Variants in ADAMTS12 observed in about 807,000 individuals in gnomAD.
ADAMTS12 encodes the protein A disintegrin and metalloproteinase with thrombospondin motifs 12.
Under a neutral mutation model 167.8 loss-of-function variants are expected in ADAMTS12, and 118 were observed. That is an observed-to-expected ratio of 0.70 (90% CI 0.61 to 0.82). The LOEUF is 0.82. ADAMTS12 is among the 40% of genes least tolerant of loss of function. The pLI, the probability that ADAMTS12 is intolerant of heterozygous loss-of-function variation, is 0.00. For synonymous variants in ADAMTS12, 704 were observed against 716.9 expected, an observed-to-expected ratio of 0.98 and a Z score of 0.29; for missense variants, 1,916 against 1,998.8, an observed-to-expected ratio of 0.96 and a Z score of 0.79.
chr5:33,724,874 T>G (rs2112341897), intron 3 of ADAMTS12, among the ~76,000 whole-genome samples: 1 of 152,304 alleles, frequency 6.6e-6, no homozygotes, highest in African/African-American at 2.4e-5. Context: ...CAAAATCCAC[T>G]TATTTCAAGA....
intron 3 of ADAMTS12, among the ~76,000 whole-genome samples, chr5:33,718,209 T>C (rs917693251): frequency 2.0e-5 from 3 of 152,226 alleles, no homozygotes; most frequent in Non-Finnish European, 4.4e-5. Flanking sequence ...ATGATTATAT[T>C]AGATTTTGTA....
intron 16 of ADAMTS12, among the ~76,000 whole-genome samples, chr5:33,607,619 A>G (rs1738513540): frequency 6.6e-6 from 1 of 152,122 alleles, no homozygotes; most frequent in African/African-American, 2.4e-5. Context: ...CGTTTTAATG[A>G]TATTGATGAT....
chr5:33,588,554 T>C (rs1191939977), intron 18 of ADAMTS12, 45 bp downstream of exon 18: 3 of 1,599,786 alleles, frequency 1.9e-6, no homozygotes, highest in South Asian at 1.1e-5. Context: ...CAGGGGCTGA[T>C]GAAGCTTGAA....
intron 3 of ADAMTS12, among the ~76,000 whole-genome samples, chr5:33,685,504 C>G (rs1395641047): frequency 6.6e-6 from 1 of 152,168 alleles, no homozygotes; most frequent in Non-Finnish European, 1.5e-5. Flanking sequence ...TGTGTGTAAC[C>G]CTTCCTGGTT....
chr5:33,636,813 GT>G (rs1466478230), intron 12 of ADAMTS12, among the ~76,000 whole-genome samples: 1 of 152,086 alleles, frequency 6.6e-6, no homozygotes, highest in Non-Finnish European at 1.5e-5. Context: ...GTTTTTTGAT[GT>G]TGATGTCTAG....
chr5:33,673,333 TCTC>T (rs904127817), intron 5 of ADAMTS12, among the ~76,000 whole-genome samples: 85 of 152,312 alleles, frequency 5.6e-4, no homozygotes, highest in African/African-American at 1.9e-3. Flanking sequence ...TGAACCTAAA[TCTC>T]CTGATGGTCA....
At chr5:33,706,596 CTCTT>C (rs1353329070) in intron 3 of ADAMTS12, among the ~76,000 whole-genome samples, 4 of 152,164 alleles carry the variant, frequency 2.6e-5, no homozygotes, top group Non-Finnish European at 5.9e-5. Context: ...TGGGTCTTGA[CTCTT>C]TATCCAATTT....
intron 18 of ADAMTS12, among the ~76,000 whole-genome samples, chr5:33,578,069 A>C (rs1746848581): frequency 1.3e-5 from 2 of 152,224 alleles, no homozygotes; most frequent in African/African-American, 4.8e-5. Context: ...ACTTTTACCA[A>C]ATGGTTCCAT....
chr5:33,847,072 G>A (rs1158714012), intron 2 of ADAMTS12, among the ~76,000 whole-genome samples: 1 of 152,192 alleles, frequency 6.6e-6, no homozygotes, highest in Non-Finnish European at 1.5e-5. Flanking sequence ...AAACAACTTC[G>A]TGGGGGTCTG....
chr5:33,817,125 CTGCCA>C (rs1747690003), intron 2 of ADAMTS12, among the ~76,000 whole-genome samples: 1 of 152,132 alleles, frequency 6.6e-6, no homozygotes, highest in African/African-American at 2.4e-5. Flanking sequence ...AGGTTCAATT[CTGCCA>C]TTTTGGAAAG....
In ADAMTS12 at chr5:33,561,194, G is replaced by T; in HGVS notation, c.3973-15C>A. On this transcript the variant is annotated splice_polypyrimidine_tract_variant and intron_variant, in intron 19 of 23. Transcript: ENST00000504830. ...GTGGTGGAGCACTGTAGCAGGGAAG[G>T]AGAGAGATGACAGAGGCTGAGTGTC... 6.3e-7 allele frequency: 1 copy of T among 1,598,080 alleles called. No individual in the cohort carries two copies.
At chr5:33,793,938 G>C (rs1007889273) in intron 2 of ADAMTS12, among the ~76,000 whole-genome samples, 3 of 152,188 alleles carry the variant, frequency 2.0e-5, no homozygotes, top group African/African-American at 7.2e-5. Flanking sequence ...TTCTGGTCAG[G>C]AGGCTTCTCG....
At chr5:33,698,455 C>T (rs1443221204) in intron 3 of ADAMTS12, among the ~76,000 whole-genome samples, 1 of 152,084 alleles carries the variant, frequency 6.6e-6, no homozygotes, top group Non-Finnish European at 1.5e-5. Flanking sequence ...TTGAAGAATG[C>T]CAATCAGATA....
chr5:33,553,319 A>C (rs1190962723), intron 20 of ADAMTS12, among the ~76,000 whole-genome samples: 1 of 152,286 alleles, frequency 6.6e-6, no homozygotes, highest in East Asian at 1.9e-4. Flanking sequence ...ATTCCTCAAG[A>C]CCTAAAGACA....
At chr5:33,834,580 G>T (rs1355864397) in intron 2 of ADAMTS12, among the ~76,000 whole-genome samples, 1 of 152,098 alleles carries the variant, frequency 6.6e-6, no homozygotes, top group Non-Finnish European at 1.5e-5. Flanking sequence ...ATTCCGAAAG[G>T]CCAGGAGCCC....
At chr5:33,809,784 G>A (rs1212000047) in intron 2 of ADAMTS12, among the ~76,000 whole-genome samples, 3 of 151,972 alleles carry the variant, frequency 2.0e-5, no homozygotes, top group Non-Finnish European at 2.9e-5. Flanking sequence ...TCAGGGTCAG[G>A]CTCACTGGGA....
At chr5:33,864,058 G>A (rs1206508236) in intron 2 of ADAMTS12, among the ~76,000 whole-genome samples, 1 of 152,142 alleles carries the variant, frequency 6.6e-6, no homozygotes, top group East Asian at 1.9e-4. Flanking sequence ...ATTAACTCAA[G>A]ATGGATTAAA....
intron 2 of ADAMTS12, among the ~76,000 whole-genome samples, chr5:33,880,396 A>G (rs986284563): frequency 1.3e-5 from 2 of 152,238 alleles, no homozygotes; most frequent in Non-Finnish European, 2.9e-5. Flanking sequence ...CAGACAGCAA[A>G]TATTGTGCGG....
intron 18 of ADAMTS12, among the ~76,000 whole-genome samples, chr5:33,583,148 T>A (rs1040096747): frequency 6.6e-6 from 1 of 152,228 alleles, no homozygotes; most frequent in Non-Finnish European, 1.5e-5. Context: ...CTCTCGCTAC[T>A]GTTTCTAGCC....
Sources: allele counts gnomAD v4.1 joint callset (sites outside exome capture counted in the v4.1 genomes callset), GRCh38; gene constraint gnomAD v4.1.1; transcripts MANE v1.5; gene names NCBI Gene and HGNC (gene_info 2026-07-23, HGNC 2026-07-21).